CNGB3: variants seen among roughly 807,000 people sequenced by gnomAD.
CNGB3 encodes cyclic nucleotide-gated channel beta-3.
A neutral mutation model predicts 92.8 loss-of-function variants in CNGB3; 86 were observed. The ratio of observed to expected loss-of-function variants is 0.93; its 90% CI spans 0.78 to 1.11. CNGB3 has a LOEUF of 1.11. Ranked by LOEUF, CNGB3 falls within the 50% of genes least tolerant of loss-of-function variation. CNGB3 has a pLI of 0.00. For synonymous variants in CNGB3, 333 were observed against 332.7 expected, an observed-to-expected ratio of 1.00 and a Z score of -0.01; for missense variants, 1,026 against 956.8, an observed-to-expected ratio of 1.07 and a Z score of -0.95.
intron 15 of CNGB3, among the ~76,000 whole-genome samples, chr8:86,593,220 G>A (rs13248984): frequency 0.094 from 14,259 of 152,188 alleles, 741 homozygotes; most frequent in Non-Finnish European, 0.11. Context: ...TAGAGAAGTG[G>A]ATGAGCGATG....
intron 2 of CNGB3, among the ~76,000 whole-genome samples, 199 bp downstream of exon 2, chr8:86,739,456 A>T (rs984195888): frequency 2.0e-5 from 3 of 152,174 alleles, no homozygotes; most frequent in Non-Finnish European, 2.9e-5. Context: ...GGTGATGAAA[A>T]TGCATCTATT....
intron 11 of CNGB3, among the ~76,000 whole-genome samples, chr8:86,632,175 G>A (rs1822975023): frequency 6.8e-6 from 1 of 146,546 alleles, no homozygotes; most frequent in Non-Finnish European, 1.5e-5. Context: ...CCCCAGCTTG[G>A]GTGACAGAGC....
chr8:86,584,416 T>C (rs1401612135), intron 15 of CNGB3, among the ~76,000 whole-genome samples: 1 of 152,208 alleles, frequency 6.6e-6, no homozygotes, highest in African/African-American at 2.4e-5. Flanking sequence ...AATAACATAT[T>C]TAAATGTCAG....
At chr8:86,693,125 G>T (rs1824351971) in intron 3 of CNGB3, among the ~76,000 whole-genome samples, 1 of 152,118 alleles carries the variant, frequency 6.6e-6, no homozygotes, top group Non-Finnish European at 1.5e-5. Flanking sequence ...TTTCCTTTAA[G>T]ATTACCTAAT....
intron 3 of CNGB3, among the ~76,000 whole-genome samples, chr8:86,723,195 T>C (rs1279516795): frequency 6.6e-6 from 1 of 152,128 alleles, no homozygotes; most frequent in Non-Finnish European, 1.5e-5. Context: ...CAGTACCTAT[T>C]GATCAGTCCA....
chr8:86,681,219 TTA>T (rs1824078037), intron 3 of CNGB3, among the ~76,000 whole-genome samples: 1 of 152,196 alleles, frequency 6.6e-6, no homozygotes, highest in South Asian at 2.1e-4. Context: ...AGTATATCTA[TTA>T]TATGTTGATT....
Position 86,668,174 on chromosome 8 carries a change from T to C in CNGB3, c.494-6A>G, listed in dbSNP as rs755733132. On this transcript the variant is annotated splice_polypyrimidine_tract_variant and splice_region_variant and intron_variant, in intron 4 of 17. Coordinates refer to ENST00000320005, the MANE Select transcript of CNGB3 (RefSeq NM_019098.5). ...TGGTACAGCCGTGGGCTTTGCTTCA[T>C]AGGGAAAAAAAAAAAGATGAAACAT... 1.0e-5 allele frequency: 16 copies of C among 1,595,160 alleles called. No homozygotes were observed. The highest frequency in any genetic ancestry group is 1.4e-5 in the African/African-American group (1 of 72,938).
At chr8:86,649,678 C>T (rs997712154) in intron 7 of CNGB3, among the ~76,000 whole-genome samples, 1 of 151,574 alleles carries the variant, frequency 6.6e-6, no homozygotes, top group African/African-American at 2.4e-5. Context: ...AAATCTAAGA[C>T]CTGAAACCAT....
At chr8:86,667,282 C>T (rs1823762354) in intron 5 of CNGB3, 149 bp from the exon 6 acceptor site, 1 of 716,176 alleles carries the variant, frequency 1.4e-6, no homozygotes, top group East Asian at 2.7e-5. Flanking sequence ...CATTCTGCCT[C>T]TGGACTGTGA....
intron 15 of CNGB3, chr8:86,593,722 G>A: frequency 1.1e-6 from 1 of 901,404 alleles, no homozygotes; most frequent in Non-Finnish European, 1.7e-6. Context: ...CTGTCGTCCA[G>A]CAGTGGTGGG....
At chr8:86,739,618 T>C in intron 2 of CNGB3, 37 bp downstream of exon 2, 1 of 1,588,856 alleles carries the variant, frequency 6.3e-7, no homozygotes, top group Non-Finnish European at 8.5e-7. Flanking sequence ...TTTCACTTTT[T>C]AGTTTTTTTT....
In CNGB3 at chr8:86,658,982, G is replaced by C. The variant is rs569923170; in HGVS notation, c.853-4920C>G. 5.6e-6 allele frequency: 6 copies of C among 1,078,294 alleles called. No homozygotes were observed. In the East Asian group the frequency reaches 1.2e-4, roughly 22 times the overall value. The allele number at this position is 1,078,294 out of a possible 1,614,324, so 66.8% of individuals were successfully genotyped here. A position where few individuals can be genotyped will look rare whatever the true frequency, so the allele number is the denominator to read the frequency against. On this transcript the variant is annotated intron_variant, in intron 6 of 17. Coordinates refer to ENST00000320005, the MANE Select transcript of CNGB3 (RefSeq NM_019098.5). ...CCTCATTGTCTTGCACCTGGGCTTG[G>C]AGCTGTCCTGCCAGACCCTCCAGCT...
chr8:86,712,606 A>T (rs1362561543), intron 3 of CNGB3, among the ~76,000 whole-genome samples: 8 of 151,986 alleles, frequency 5.3e-5, no homozygotes, highest in African/African-American at 1.9e-4. Context: ...CTGCATTTAG[A>T]TATATTTCTG....
intron 10 of CNGB3, among the ~76,000 whole-genome samples, chr8:86,638,483 A>G (rs766261170): frequency 6.6e-6 from 1 of 152,072 alleles, no homozygotes; most frequent in Non-Finnish European, 1.5e-5. Context: ...TACCCCTTCT[A>G]TACTTATCTT....
At chr8:86,641,005 A>T (rs1008951741) in intron 10 of CNGB3, among the ~76,000 whole-genome samples, 1 of 152,024 alleles carries the variant, frequency 6.6e-6, no homozygotes, top group African/African-American at 2.4e-5. Context: ...AGATACAGGT[A>T]ACAGAGAGCT....
At chr8:86,626,938 TA>T (rs1401317092) in intron 12 of CNGB3, among the ~76,000 whole-genome samples, 22 of 152,134 alleles carry the variant, frequency 1.4e-4, no homozygotes, top group African/African-American at 4.3e-4. Flanking sequence ...TTATAGAGAT[TA>T]TTTCATCACC....
intron 6 of CNGB3, chr8:86,657,920 G>T: frequency 1.8e-6 from 1 of 550,036 alleles, no homozygotes. Flanking sequence ...CCACCGTGCA[G>T]CTCCCCCTGC....
chr8:86,583,717 C>T (rs983912134), intron 15 of CNGB3, among the ~76,000 whole-genome samples: 2 of 151,834 alleles, frequency 1.3e-5, no homozygotes, highest in African/African-American at 2.4e-5. Flanking sequence ...CCCAGGAGTT[C>T]GAGACCAGAC....
At chr8:86,638,840 GT>G (rs200708136) in intron 10 of CNGB3, among the ~76,000 whole-genome samples, 1,782 of 147,456 alleles carry the variant, frequency 0.012, 12 homozygotes, top group South Asian at 0.04. Flanking sequence ...TTTTTTTTTT[GT>G]TTTGTTTGTT....
Sources: gnomAD v4.1 joint callset for allele counts (sites outside exome capture counted in the v4.1 genomes callset) on GRCh38, gnomAD v4.1.1 for gene constraint, MANE v1.5 for transcripts, NCBI Gene and HGNC (gene_info 2026-07-23, HGNC 2026-07-21) for gene names.